RRP7A: variants seen among roughly 807,000 people sequenced by gnomAD.
RRP7A encodes the protein ribosomal RNA-processing protein 7 homolog A.
In RRP7A, 27 loss-of-function variants were observed where a neutral mutation model predicts 38.4. That is an observed-to-expected ratio of 0.70 (90% CI 0.52 to 0.97). The LOEUF is 0.97. RRP7A is among the 50% of genes least tolerant of loss of function. The pLI is 0.00. For synonymous variants in RRP7A, 124 were observed against 150.3 expected (o/e 0.83, Z 1.28); for missense variants, 327 against 375.4 (o/e 0.87, Z 1.07).
chr22:42,509,175 A>T lies in RRP7A; in HGVS notation c.*3735T>A. The T allele has an allele frequency of 1.2e-6, 2 of 1,607,880 alleles. No individual in the cohort carries two copies. Among genetic ancestry groups the T allele is most frequent in the Non-Finnish European group, 1.7e-6 (2 of 1,176,394 alleles). ...GACATGGGCGCCAGGAATCTCTGGG[A>T]GGGGGCCCTGGCATGAGGCTCCAAG... On this transcript the variant is annotated 3_prime_UTR_variant, in exon 7 of 7. Transcript: ENST00000323013.
At position 42,512,791 on chromosome 22, in the gene RRP7A, G is replaced by C; in HGVS notation, c.*119C>G. On this transcript the variant is annotated 3_prime_UTR_variant, in exon 7 of 7. Coordinates refer to ENST00000323013, the MANE Select transcript of RRP7A (RefSeq NM_015703.5). ...GTGGACTCTGATGGGGCTGTTGGAC[G>C]CGGTGGCCTTCAACCTGGGGCCCGT... The C allele has an allele frequency of 1.0e-6, 1 of 994,074 alleles. No individual in the cohort carries two copies. The highest frequency in any genetic ancestry group is 1.6e-6 in the Non-Finnish European group (1 of 641,606). The allele number at this position is 994,074 out of a possible 1,614,324, so 61.6% of individuals were successfully genotyped here.
chr22:42,516,359 A>G (rs1311330312), intron 2 of RRP7A: 4 of 601,418 alleles, frequency 6.7e-6, no homozygotes, highest in Non-Finnish European at 6.0e-6. Flanking sequence ...GAGTTGGAGT[A>G]TTGCTCTGTA....
At position 42,515,282 on chromosome 22, in the gene RRP7A, G is replaced by C. The variant is rs1401958170; in HGVS notation, c.343-14C>G. On this transcript the variant is annotated splice_polypyrimidine_tract_variant and intron_variant, in intron 3 of 6. Transcript: ENST00000323013. ...TACCTGGAAACCCTGAAGAGAGAGAGATGTCAGAGGTTGGGGGCTCCTTCC... is the reference window on the plus strand; with the variant it reads ...TACCTGGAAACCCTGAAGAGAGAGACATGTCAGAGGTTGGGGGCTCCTTCC... The C allele has an allele frequency of 8.4e-7, 1 of 1,188,448 alleles. No homozygotes were observed. Among genetic ancestry groups the C allele is most frequent in the African/African-American group, 1.8e-5 (1 of 55,940 alleles). The allele number at this position is 1,188,448 out of a possible 1,614,324, so 73.6% of individuals were successfully genotyped here.
chr22:42,514,538 C>G, intron 5 of RRP7A, 144 bp downstream of exon 5: 2 of 832,586 alleles, frequency 2.4e-6, no homozygotes. Context: ...CCCAGCCAGG[C>G]AGCCCAGGAT....
At position 42,511,991 on chromosome 22, in the gene RRP7A, T is replaced by C; in HGVS notation, c.*919A>G. 1 of 706,750 alleles carries C rather than the reference T, an allele frequency of 1.4e-6. No homozygotes were observed. The highest frequency in any genetic ancestry group is 1.7e-5 in the South Asian group (1 of 59,622). The allele number at this position is 706,750 out of a possible 1,614,324, so 43.8% of individuals were successfully genotyped here. On this transcript the variant is annotated 3_prime_UTR_variant, in exon 7 of 7. Transcript: ENST00000323013. The stretch of plus-strand genomic sequence containing the variant: ...CCAAGGAGCCGAGTGTGGGGGAAAC[T>C]CACTGTGGGAGGCGCTCCTGACCTG...
intron 1 of RRP7A, among the ~76,000 whole-genome samples, chr22:42,518,962 GTCT>G (rs1475140961): frequency 6.8e-6 from 1 of 147,150 alleles, no homozygotes; most frequent in East Asian, 1.9e-4. Context: ...GGTGGCAGAG[GTCT>G]TCTTTCCATA....
intron 5 of RRP7A, 30 bp downstream of exon 5, chr22:42,514,652 G>C: frequency 1.9e-6 from 3 of 1,577,476 alleles, no homozygotes; most frequent in Non-Finnish European, 2.6e-6. Context: ...CGGGCGATGC[G>C]GGGCTCGGCC....
intron 3 of RRP7A, 104 bp from the exon 4 acceptor site, chr22:42,515,372 G>C (rs1920927006): frequency 1.4e-6 from 1 of 736,978 alleles, no homozygotes; most frequent in East Asian, 2.7e-5. Flanking sequence ...AGGGGAGATG[G>C]TGCTAGGCTA....
chr22:42,517,678 C>T lies in RRP7A; in HGVS notation c.216+327G>A, dbSNP rs1920934411. Among the ~76,000 whole-genome samples the T allele has an allele frequency of 2.0e-5, 3 of 152,242 alleles. No individual in the cohort carries two copies. In the South Asian group the frequency reaches 6.2e-4, roughly 32 times the overall value. ...AGGACTACCCACACATGCCATCATG[C>T]CTGGCTCATTTTTTATTTTTTAGTA... On this transcript the variant is annotated intron_variant, in intron 2 of 6. Coordinates refer to ENST00000323013, the MANE Select transcript of RRP7A (RefSeq NM_015703.5).
intron 2 of RRP7A, 70 bp downstream of exon 2, chr22:42,517,935 G>C: frequency 6.5e-7 from 1 of 1,532,594 alleles, no homozygotes; most frequent in Non-Finnish European, 8.9e-7. Flanking sequence ...CACCACCAAG[G>C]ACTTGGTGGA....
At position 42,512,235 on chromosome 22, in the gene RRP7A, T is replaced by C. The variant is rs2146617941; in HGVS notation, c.*675A>G. 1.9e-6 allele frequency: 3 copies of C among 1,612,970 alleles called. No homozygotes were observed. The highest frequency in any genetic ancestry group is 1.7e-6 in the Non-Finnish European group (2 of 1,179,060). On this transcript the variant is annotated 3_prime_UTR_variant, in exon 7 of 7. Coordinates refer to ENST00000323013, the MANE Select transcript of RRP7A (RefSeq NM_015703.5). Reference sequence around the variant, plus strand: ...CACACACACGCTCCCAGCCCAGCTGTAGCTCTGGGCCTGGAACTATGAAGA... The same window carrying C: ...CACACACACGCTCCCAGCCCAGCTGCAGCTCTGGGCCTGGAACTATGAAGA...
Position 42,510,774 on chromosome 22 carries a change from G to C in RRP7A, c.*2136C>G. On this transcript the variant is annotated 3_prime_UTR_variant, in exon 7 of 7. Coordinates refer to ENST00000323013, the MANE Select transcript of RRP7A (RefSeq NM_015703.5). The stretch of plus-strand genomic sequence containing the variant: ...TGTCCAGCCACTGTCGCCCACTCTG[G>C]TCCCACCTCACCCATCTCTTCTCAT... 5 of 1,432,986 alleles carry C rather than the reference G, an allele frequency of 3.5e-6. No individual in the cohort carries two copies. In the South Asian group the frequency reaches 7.0e-5, roughly 20 times the overall value. The allele number at this position is 1,432,986 out of a possible 1,614,324, so 88.8% of individuals were successfully genotyped here.
intron 2 of RRP7A, chr22:42,516,434 C>T (rs1412536219): frequency 6.8e-6 from 3 of 440,680 alleles, no homozygotes; most frequent in South Asian, 3.5e-5. Flanking sequence ...CTCAGTCTCC[C>T]GAGCAGCTGG....
Position 42,510,551 on chromosome 22 carries a change from G to A in RRP7A, c.*2359C>T, listed in dbSNP as rs530940598. 888 of 533,132 alleles carry A rather than the reference G, an allele frequency of 1.7e-3. 1 individual carries two copies. The highest frequency in any genetic ancestry group is 1.8e-3 in the Non-Finnish European group (571 of 309,698). 33.0% of individuals were successfully genotyped at this position (533,132 alleles called of 1,614,324 possible). A position where few individuals can be genotyped will look rare whatever the true frequency, so the allele number is the denominator to read the frequency against. The stretch of plus-strand genomic sequence containing the variant: ...GGCTTTGGTTTCTCCTCAGAGGCCT[G>A]AACCCAGGGCAGGATGGGGGCACCG... On this transcript the variant is annotated 3_prime_UTR_variant, in exon 7 of 7. Transcript: ENST00000323013.
rs1932370754 is a variant in RRP7A, at chr22:42,509,326, G to A, written c.*3584C>T. 6.7e-6 allele frequency among the ~76,000 whole-genome samples: 1 copy of A among 149,898 alleles called. No individual in the cohort carries two copies. The highest frequency in any genetic ancestry group is 2.4e-5 in the African/African-American group (1 of 41,220). On this transcript the variant is annotated 3_prime_UTR_variant, in exon 7 of 7. Coordinates refer to ENST00000323013, the MANE Select transcript of RRP7A (RefSeq NM_015703.5). ...CTCAGGCAGCAGGGGATGGGCCGGG[G>A]CTGTCCCATGCCTTTCCACAGGTGT...
At chr22:42,513,146 A>G in intron 6 of RRP7A, 151 bp from the exon 7 acceptor site, 1 of 710,502 alleles carries the variant, frequency 1.4e-6, no homozygotes, top group Admixed American at 2.2e-5. Flanking sequence ...CTGTGGGGGC[A>G]GGGTCTGGAT....
intron 5 of RRP7A, 71 bp downstream of exon 5, chr22:42,514,611 C>T (rs1020451417): frequency 6.1e-6 from 8 of 1,316,628 alleles, no homozygotes; most frequent in Middle Eastern, 4.5e-4. Flanking sequence ...CCACTGCCCT[C>T]CCTCTGGGGC....
rs926051359 is a variant in RRP7A, at chr22:42,510,045, A to AGGT, written c.*2862_*2864dup. The AGGT allele has an allele frequency of 4.7e-5, 7 of 150,394 alleles. No individual in the cohort carries two copies. The highest frequency in any genetic ancestry group is 1.7e-4 in the African/African-American group (7 of 40,700). 9.3% of individuals were successfully genotyped at this position (150,394 alleles called of 1,614,324 possible). A position where few individuals can be genotyped will look rare whatever the true frequency, so the allele number is the denominator to read the frequency against. The stretch of plus-strand genomic sequence containing the variant: ...AGTGGTGCAATCTCAGCTCACTGCA[A>AGGT]GGTCCGCCTCCCGGGTTCACGCCAT... On this transcript the variant is annotated 3_prime_UTR_variant, in exon 7 of 7. Transcript: ENST00000323013.
Position 42,510,817 on chromosome 22 carries a change from T to G in RRP7A, c.*2093A>C, listed in dbSNP as rs1203746163. The G allele has an allele frequency of 2.0e-5, 26 of 1,280,136 alleles. No homozygotes were observed. In the East Asian group the frequency reaches 4.0e-4, roughly 20 times the overall value. The allele number at this position is 1,280,136 out of a possible 1,614,324, so 79.3% of individuals were successfully genotyped here. ...CTTCTCATGCACTGGGAAAGACCCC[T>G]GGTCTGCCCCCAGGCCCAACAAGTG... On this transcript the variant is annotated 3_prime_UTR_variant, in exon 7 of 7. Coordinates refer to ENST00000323013, the MANE Select transcript of RRP7A (RefSeq NM_015703.5).
Sources: allele counts gnomAD v4.1 joint callset (sites outside exome capture counted in the v4.1 genomes callset), GRCh38; gene constraint gnomAD v4.1.1; transcripts MANE v1.5; gene names NCBI Gene and HGNC (gene_info 2026-07-23, HGNC 2026-07-21).